EFNA5: variants seen among roughly 807,000 people sequenced by gnomAD.
The protein encoded by EFNA5 is ephrin A5, also known as ephrin-A5.
A neutral mutation model predicts 22.9 loss-of-function variants in EFNA5; 5 were observed. The ratio of observed to expected loss-of-function variants is 0.22; its 90% CI spans 0.11 to 0.46. The LOEUF (loss-of-function observed/expected upper bound fraction) is 0.46. Among genes scored for constraint, EFNA5 ranks in the 20% least tolerant of loss-of-function variants. EFNA5 has a pLI of 0.99. For synonymous variants in EFNA5, 113 were observed against 112.2 expected, an observed-to-expected ratio of 1.01 and a Z score of -0.04; for missense variants, 237 against 293.3, an observed-to-expected ratio of 0.81 and a Z score of 1.40.
intron 1 of EFNA5, among the ~76,000 whole-genome samples, chr5:107,509,011 T>C (rs1157718181): frequency 6.6e-6 from 1 of 152,202 alleles, no homozygotes; most frequent in Admixed American, 6.5e-5. Context: ...TTTAATTACC[T>C]AGGAGCAAAC....
chr5:107,488,570 C>A (rs1006746132), intron 1 of EFNA5, among the ~76,000 whole-genome samples: 16 of 152,116 alleles, frequency 1.1e-4, no homozygotes, highest in Non-Finnish European at 1.5e-5. Context: ...TTTACAAATC[C>A]CAAGTTTAAA....
chr5:107,645,335 G>A (rs1750610469), intron 1 of EFNA5, among the ~76,000 whole-genome samples: 1 of 152,148 alleles, frequency 6.6e-6, no homozygotes, highest in Non-Finnish European at 1.5e-5. Context: ...CTGTTCACCT[G>A]TATTTTATCC....
intron 1 of EFNA5, among the ~76,000 whole-genome samples, chr5:107,623,721 C>A (rs164692): frequency 0.66 from 98,165 of 147,914 alleles, 32,835 homozygotes; most frequent in Non-Finnish European, 0.74. Flanking sequence ...AAAAAAAAAA[C>A]AACTACCACT....
At position 107,377,538 on chromosome 5, in the gene EFNA5, A is replaced by C. The variant is rs1446902783; in HGVS notation, c.*3717T>G. The stretch of plus-strand genomic sequence containing the variant: ...GAAAACTGTTTTTCTAATTATTTGA[A>C]AATAATACAAATGGCTGCTGCCGTT... On this transcript the variant is annotated 3_prime_UTR_variant, in exon 5 of 5. Coordinates refer to ENST00000333274, the MANE Select transcript of EFNA5 (RefSeq NM_001962.3). 1 of 152,200 alleles carries C rather than the reference A, an allele frequency of 6.6e-6. No homozygotes were observed. The highest frequency in any genetic ancestry group is 2.4e-5 in the African/African-American group (1 of 41,448). 9.4% of individuals were successfully genotyped at this position (152,200 alleles called of 1,614,324 possible).
intron 1 of EFNA5, among the ~76,000 whole-genome samples, chr5:107,471,030 T>C (rs1010885725): frequency 2.0e-5 from 3 of 152,170 alleles, no homozygotes; most frequent in Non-Finnish European, 4.4e-5. Context: ...GCAATACTAT[T>C]GTCACTCATG....
chr5:107,639,785 T>A (rs1354631686), intron 1 of EFNA5, among the ~76,000 whole-genome samples: 1 of 152,148 alleles, frequency 6.6e-6, no homozygotes, highest in African/African-American at 2.4e-5. Flanking sequence ...TTAAAACACA[T>A]TTTTTGTTTC....
intron 1 of EFNA5, among the ~76,000 whole-genome samples, chr5:107,500,324 T>C (rs929090291): frequency 2.0e-5 from 3 of 152,234 alleles, no homozygotes; most frequent in Admixed American, 6.5e-5. Context: ...CCCTACAATG[T>C]ATACGTATAT....
At chr5:107,386,868 T>C (rs1747639304) in intron 4 of EFNA5, among the ~76,000 whole-genome samples, 2 of 152,230 alleles carry the variant, frequency 1.3e-5, no homozygotes, top group Non-Finnish European at 1.5e-5. Context: ...TATGAACATA[T>C]ACATAGAAAT....
chr5:107,489,441 G>T (rs1020025054), intron 1 of EFNA5, among the ~76,000 whole-genome samples: 1 of 152,124 alleles, frequency 6.6e-6, no homozygotes, highest in Non-Finnish European at 1.5e-5. Flanking sequence ...AAAGTGCTGG[G>T]ATTACAGGCA....
At chr5:107,515,935 T>G (rs1355074057) in intron 1 of EFNA5, among the ~76,000 whole-genome samples, 1 of 152,188 alleles carries the variant, frequency 6.6e-6, no homozygotes, top group Non-Finnish European at 1.5e-5. Context: ...ACATCATCCA[T>G]TTGTTGAATT....
intron 2 of EFNA5, among the ~76,000 whole-genome samples, chr5:107,416,217 CCCTATACATTT>C (rs1227192252): frequency 6.6e-6 from 1 of 152,182 alleles, no homozygotes; most frequent in Non-Finnish European, 1.5e-5. Flanking sequence ...CATGAAATTT[CCCTATACATTT>C]CCCATTAGCT....
intron 2 of EFNA5, among the ~76,000 whole-genome samples, chr5:107,410,051 C>T (rs1383236931): frequency 4.8e-5 from 5 of 105,230 alleles, no homozygotes; most frequent in African/African-American, 1.5e-4. Context: ...TTTTTTGAGA[C>T]GAAGTCTCAC....
chr5:107,661,278 A>G (rs945246284), intron 1 of EFNA5, among the ~76,000 whole-genome samples: 1 of 152,218 alleles, frequency 6.6e-6, no homozygotes, highest in African/African-American at 2.4e-5. Flanking sequence ...TATAGCGACT[A>G]TATGGACAGA....
chr5:107,591,040 T>C (rs567289522), intron 1 of EFNA5, among the ~76,000 whole-genome samples: 1 of 152,296 alleles, frequency 6.6e-6, no homozygotes, highest in Admixed American at 6.5e-5. Context: ...TAATTTTTAA[T>C]TACTTAACAT....
chr5:107,487,428 G>A (rs958754335), intron 1 of EFNA5, among the ~76,000 whole-genome samples: 5 of 152,196 alleles, frequency 3.3e-5, no homozygotes, highest in Admixed American at 1.3e-4. Context: ...TTCCCCCAGA[G>A]CATCTAGCAC....
intron 1 of EFNA5, among the ~76,000 whole-genome samples, chr5:107,494,112 T>C (rs757959291): frequency 2.6e-5 from 4 of 152,252 alleles, no homozygotes; most frequent in Non-Finnish European, 5.9e-5. Context: ...TCGCTCGCTC[T>C]GGGTGCCTCC....
chr5:107,660,261 C>CATATATATATATAT lies in EFNA5; in HGVS notation c.125+10214_125+10227dup, dbSNP rs56838945. On this transcript the variant is annotated intron_variant, in intron 1 of 4. Coordinates refer to ENST00000333274, the MANE Select transcript of EFNA5 (RefSeq NM_001962.3). ...ACTGGAACCTCTGAGATGGCAAAAA[C>CATATATATATATAT]ATATATATATATATATATATATATA... 9.0e-4 allele frequency among the ~76,000 whole-genome samples: 47 copies of CATATATATATATAT among 52,424 alleles called. 1 individual carries two copies. The highest frequency in any genetic ancestry group is 3.1e-3 in the South Asian group (4 of 1,290). The allele number at this position is 52,424 out of a possible 152,430, so 34.4% of individuals were successfully genotyped here.
intron 1 of EFNA5, among the ~76,000 whole-genome samples, chr5:107,583,970 G>A (rs993754410): frequency 3.3e-5 from 5 of 152,112 alleles, no homozygotes; most frequent in African/African-American, 1.2e-4. Context: ...GCAAAGATAA[G>A]GGCCATAATG....
chr5:107,573,540 T>C (rs1341137183), intron 1 of EFNA5, among the ~76,000 whole-genome samples: 1 of 152,092 alleles, frequency 6.6e-6, no homozygotes, highest in Admixed American at 6.5e-5. Flanking sequence ...AGTCATTCTT[T>C]TATTTATTTG....
Sources: allele counts gnomAD v4.1 joint callset (sites outside exome capture counted in the v4.1 genomes callset), GRCh38; gene constraint gnomAD v4.1.1; transcripts MANE v1.5; gene names NCBI Gene and HGNC (gene_info 2026-07-23, HGNC 2026-07-21).